FREM2: variants seen among roughly 807,000 people sequenced by gnomAD.
The protein encoded by FREM2 is FRAS1 related extracellular matrix 2.
In FREM2, 119 loss-of-function variants were observed where a neutral mutation model predicts 219.9. That is an observed-to-expected ratio of 0.54 (90% CI 0.47 to 0.63). The LOEUF is 0.63. Among genes scored for constraint, FREM2 ranks in the 30% least tolerant of loss-of-function variants. FREM2 has a pLI of 0.00. For missense variants in FREM2, 4,030 were observed against 3,993.6 expected (o/e 1.01, Z -0.25); for synonymous variants, 1,562 against 1,522.8 (o/e 1.03, Z -0.60).
intron 4 of FREM2, among the ~76,000 whole-genome samples, chr13:38,775,808 G>A (rs1416782752): frequency 3.3e-5 from 5 of 152,006 alleles, no homozygotes; most frequent in African/African-American, 7.2e-5. Context: ...TAGTAGAAAC[G>A]GGGTTTCACC....
chr13:38,857,751 G>A (rs765410622), intron 12 of FREM2, 124 bp from the exon 13 acceptor site: 4 of 815,522 alleles, frequency 4.9e-6, no homozygotes, highest in Non-Finnish European at 8.3e-6. Context: ...GGGGCTCTGA[G>A]TATGACAATT....
At chr13:38,785,393 A>AT (rs1181919762) in intron 6 of FREM2, among the ~76,000 whole-genome samples, 1 of 152,204 alleles carries the variant, frequency 6.6e-6, no homozygotes, top group Non-Finnish European at 1.5e-5. Flanking sequence ...CCAGTTCAAG[A>AT]AACAGTTTGT....
intron 6 of FREM2, among the ~76,000 whole-genome samples, chr13:38,797,917 T>A (rs754137285): frequency 6.6e-6 from 1 of 152,034 alleles, no homozygotes; most frequent in African/African-American, 2.4e-5. Context: ...GTCATCAGAA[T>A]ATAGGGACAA....
Position 38,814,254 on chromosome 13 carries a change from A to C in FREM2, c.6019+29446A>C, listed in dbSNP as rs6563635. 7.8e-3 allele frequency among the ~76,000 whole-genome samples: 1,189 copies of C among 152,206 alleles called. 11 individuals carry two copies. The highest frequency in any genetic ancestry group is 0.027 in the African/African-American group (1,122 of 41,520). On this transcript the variant is annotated intron_variant, in intron 6 of 23. Transcript: ENST00000280481. ...TCCTGGATGGTATTGATGCTTGTAGATACTTGTCAGTGTCTGGGCATTGAA... is the reference window on the plus strand; with the variant it reads ...TCCTGGATGGTATTGATGCTTGTAGCTACTTGTCAGTGTCTGGGCATTGAA...
intron 2 of FREM2, among the ~76,000 whole-genome samples, chr13:38,750,343 G>C (rs1219512462): frequency 1.3e-5 from 2 of 152,152 alleles, no homozygotes; most frequent in African/African-American, 4.8e-5. Context: ...TTTAAAACGG[G>C]AGTGAGACTT....
In FREM2 at chr13:38,886,573, T is replaced by A. The variant is rs531895780; in HGVS notation, c.*5786T>A. The A allele has an allele frequency of 1.4e-4, 21 of 152,262 alleles. No individual in the cohort carries two copies. The highest frequency in any genetic ancestry group is 5.1e-4 in the African/African-American group (21 of 41,532). The allele number at this position is 152,262 out of a possible 1,614,324, so 9.4% of individuals were successfully genotyped here. Reference sequence around the variant, plus strand: ...CTACCATGCCTGGCTAGTTTTTGTATTTTTAGTAGAGACAGGGTTTCTCCA... The same window carrying A: ...CTACCATGCCTGGCTAGTTTTTGTAATTTTAGTAGAGACAGGGTTTCTCCA... On this transcript the variant is annotated 3_prime_UTR_variant, in exon 24 of 24. Coordinates refer to ENST00000280481, the MANE Select transcript of FREM2 (RefSeq NM_207361.6).
chr13:38,724,975 A>G (rs1428238822), intron 2 of FREM2, among the ~76,000 whole-genome samples: 1 of 152,200 alleles, frequency 6.6e-6, no homozygotes, highest in African/African-American at 2.4e-5. Flanking sequence ...GTTGCTAGGG[A>G]AAAAGGAAAT....
At chr13:38,717,325 T>C (rs1871046091) in intron 2 of FREM2, among the ~76,000 whole-genome samples, 1 of 151,812 alleles carries the variant, frequency 6.6e-6, no homozygotes, top group Non-Finnish European at 1.5e-5. Context: ...TATGCAGTGC[T>C]AATGCTGTGG....
At chr13:38,719,964 A>G (rs1416928763) in intron 2 of FREM2, among the ~76,000 whole-genome samples, 3 of 152,204 alleles carry the variant, frequency 2.0e-5, no homozygotes, top group African/African-American at 7.2e-5. Context: ...AAAGTCTTCA[A>G]GAATCCCAAA....
In FREM2 at chr13:38,815,692, C is replaced by G. The variant is rs561057553; in HGVS notation, c.6020-30881C>G. On this transcript the variant is annotated intron_variant, in intron 6 of 23. Coordinates refer to ENST00000280481, the MANE Select transcript of FREM2 (RefSeq NM_207361.6). ...AAAAAGCATGGTGCTAGCACCTGTTCAGTTTTTGATGAGGGACTCAGGCTG... is the reference window on the plus strand; with the variant it reads ...AAAAAGCATGGTGCTAGCACCTGTTGAGTTTTTGATGAGGGACTCAGGCTG... Among the ~76,000 whole-genome samples the G allele has an allele frequency of 3.9e-5, 6 of 152,304 alleles. No homozygotes were observed. In the South Asian group the frequency reaches 1.2e-3, roughly 32 times the overall value.
chr13:38,734,244 C>T (rs537728642), intron 2 of FREM2, among the ~76,000 whole-genome samples: 7 of 152,178 alleles, frequency 4.6e-5, no homozygotes, highest in Admixed American at 3.9e-4. Context: ...GTTACCCTAT[C>T]TCATTCCTCC....
intron 2 of FREM2, among the ~76,000 whole-genome samples, chr13:38,740,718 A>C (rs73459895): frequency 6.6e-6 from 1 of 152,212 alleles, no homozygotes; most frequent in Non-Finnish European, 1.5e-5. Context: ...TTAATTGCAA[A>C]TAGAAACACA....
intron 2 of FREM2, among the ~76,000 whole-genome samples, chr13:38,709,474 T>C (rs879323119): frequency 2.0e-5 from 3 of 152,140 alleles, no homozygotes; most frequent in South Asian, 2.1e-4. Flanking sequence ...TACAAATACA[T>C]AATTGCTTAC....
At chr13:38,762,291 G>A (rs937037449) in intron 2 of FREM2, among the ~76,000 whole-genome samples, 2 of 152,160 alleles carry the variant, frequency 1.3e-5, no homozygotes, top group South Asian at 2.1e-4. Context: ...CAGTTCTGAG[G>A]AGCCTCCTAG....
intron 6 of FREM2, among the ~76,000 whole-genome samples, chr13:38,798,539 G>T (rs1453536170): frequency 1.3e-5 from 2 of 152,014 alleles, no homozygotes; most frequent in Non-Finnish European, 2.9e-5. Flanking sequence ...TAGAAGAATT[G>T]CTGTTAAGTT....
intron 4 of FREM2, among the ~76,000 whole-genome samples, chr13:38,771,388 C>T (rs1873654878): frequency 6.6e-6 from 1 of 152,058 alleles, no homozygotes; most frequent in Admixed American, 6.6e-5. Context: ...AAACTGGAAG[C>T]CATTTTTTGA....
rs766734184 is a variant in FREM2 at position 38,864,324 on chromosome 13, C to G, written c.7701C>G (p.Thr2567=). 6.2e-7 allele frequency: 1 copy of G among 1,614,184 alleles called. No homozygotes were observed. Among genetic ancestry groups the G allele is most frequent in the Admixed American group, 1.7e-5 (1 of 60,030 alleles). The change falls in exon 16 of 24, where the codon ACC becomes ACG. Residue 2567 remains threonine, a synonymous_variant. Transcript: ENST00000280481. ...GAGAGCTTTCCAACTTTGAGCTCAC[C>G]CTCAGCCCTGATGGCACAAGAGTTG... is the stretch of plus-strand genomic sequence containing the variant. The part of the protein sequence containing the change: ...STRELSNFEL[T]LSPDGTRVGN...
At chr13:38,805,699 G>A (rs923901836) in intron 6 of FREM2, among the ~76,000 whole-genome samples, 2 of 151,660 alleles carry the variant, frequency 1.3e-5, no homozygotes, top group African/African-American at 4.8e-5. Context: ...TATGTGAAGT[G>A]GAATAATGAA....
intron 6 of FREM2, among the ~76,000 whole-genome samples, chr13:38,824,804 A>G (rs927160709): frequency 1.3e-5 from 2 of 152,070 alleles, no homozygotes; most frequent in Non-Finnish European, 2.9e-5. Flanking sequence ...GGGAAGTTAC[A>G]CCTTATCAGA....
Sources: allele counts gnomAD v4.1 joint callset (sites outside exome capture counted in the v4.1 genomes callset), GRCh38; gene constraint gnomAD v4.1.1; transcripts MANE v1.5; gene names NCBI Gene and HGNC (gene_info 2026-07-23, HGNC 2026-07-21).